RAB38: variants seen among roughly 807,000 people sequenced by gnomAD.
The protein encoded by RAB38 is RAB38, member RAS oncogene family.
RAB38 carries 15 observed loss-of-function variants against 18.4 expected under a neutral mutation model. That is an observed-to-expected ratio of 0.82 (90% CI 0.55 to 1.26). The LOEUF (loss-of-function observed/expected upper bound fraction) is 1.26. Ranked by LOEUF, RAB38 falls within the 50% of genes most tolerant of loss-of-function variation. The probability of loss-of-function intolerance (pLI) is 0.00; values close to 1 mark genes in which losing one functional copy is unlikely to be tolerated. For synonymous variants in RAB38, 101 were observed against 104.4 expected (o/e 0.97, Z 0.20); for missense variants, 294 against 267.4 (o/e 1.10, Z -0.69).
chr11:88,014,589 C>G, the RAB38 span, among the ~76,000 whole-genome samples: 1 of 152,112 alleles, frequency 6.6e-6, no homozygotes, highest in Non-Finnish European at 1.5e-5. Context: ...TGTAACAAGT[C>G]ATATTAATGG....
At chr11:87,961,220 G>A in the RAB38 span, among the ~76,000 whole-genome samples, 38 of 152,140 alleles carry the variant, frequency 2.5e-4, no homozygotes, top group African/African-American at 8.9e-4. Flanking sequence ...CCCAGCCAGA[G>A]TAAAAGCTGA....
chr11:87,867,148 C>T, the RAB38 span, among the ~76,000 whole-genome samples: 1 of 151,840 alleles, frequency 6.6e-6, no homozygotes, highest in South Asian at 2.1e-4. Flanking sequence ...GAAATCCAGG[C>T]CCACTACCAC....
At chr11:88,014,551 A>G in the RAB38 span, among the ~76,000 whole-genome samples, 1 of 152,172 alleles carries the variant, frequency 6.6e-6, no homozygotes, top group Non-Finnish European at 1.5e-5. Flanking sequence ...TCTATCCTCC[A>G]TGATTGTTAC....
At chr11:87,904,226 A>G in the RAB38 span, among the ~76,000 whole-genome samples, 1 of 151,618 alleles carries the variant, frequency 6.6e-6, no homozygotes, top group Non-Finnish European at 1.5e-5. Flanking sequence ...CCCAACAGGT[A>G]GTTTTCAACC....
the RAB38 span, chr11:87,816,984 T>A: frequency 6.6e-6 from 1 of 152,156 alleles, no homozygotes; most frequent in Non-Finnish European, 1.5e-5. Context: ...ATTATTAGGT[T>A]TATTATCATT....
the RAB38 span, among the ~76,000 whole-genome samples, chr11:87,922,572 A>G: frequency 2.1e-5 from 2 of 94,926 alleles, no homozygotes; most frequent in East Asian, 4.8e-4. Context: ...CCTGAAAAAA[A>G]TATATATAAT....
chr11:88,090,595 G>GA, the RAB38 span, among the ~76,000 whole-genome samples: 18 of 151,290 alleles, frequency 1.2e-4, no homozygotes, highest in African/African-American at 2.9e-4. Context: ...GTAACAATGA[G>GA]AAAAAAAAAT....
the RAB38 span, among the ~76,000 whole-genome samples, chr11:87,837,717 A>G: frequency 1.3e-5 from 2 of 152,232 alleles, no homozygotes; most frequent in African/African-American, 4.8e-5. Flanking sequence ...CTAAGGATCA[A>G]GCAAACTAAG....
At chr11:87,928,542 C>T in the RAB38 span, among the ~76,000 whole-genome samples, 2 of 150,964 alleles carry the variant, frequency 1.3e-5, no homozygotes, top group African/African-American at 2.4e-5. Flanking sequence ...GACAAACTGC[C>T]GAGGTTTTTT....
the RAB38 span, among the ~76,000 whole-genome samples, chr11:88,085,047 T>C: frequency 6.6e-6 from 1 of 151,826 alleles, no homozygotes; most frequent in African/African-American, 2.4e-5. Context: ...TTAAAAGGAA[T>C]GGACAGGTGT....
chr11:88,062,808 A>C, the RAB38 span, among the ~76,000 whole-genome samples: 15 of 152,192 alleles, frequency 9.9e-5, no homozygotes, highest in African/African-American at 3.6e-4. Flanking sequence ...TTACAACCCC[A>C]TGCATAATCT....
At chr11:87,839,706 T>C in the RAB38 span, among the ~76,000 whole-genome samples, 1 of 152,194 alleles carries the variant, frequency 6.6e-6, no homozygotes, top group African/African-American at 2.4e-5. Flanking sequence ...TCTCTTAATA[T>C]GGTGTATTGG....
the RAB38 span, among the ~76,000 whole-genome samples, chr11:87,823,297 T>G: frequency 1.1e-4 from 16 of 152,238 alleles, 1 homozygote; most frequent in South Asian, 3.3e-3. Flanking sequence ...TATACCAGGT[T>G]CGTAGATTAA....
At chr11:88,086,017 C>T in the RAB38 span, among the ~76,000 whole-genome samples, 2 of 151,810 alleles carry the variant, frequency 1.3e-5, no homozygotes, top group African/African-American at 4.8e-5. Flanking sequence ...CCGCAGTTTA[C>T]TAACTGTATG....
the RAB38 span, among the ~76,000 whole-genome samples, chr11:88,074,264 A>G: frequency 6.6e-6 from 1 of 152,168 alleles, no homozygotes; most frequent in Non-Finnish European, 1.5e-5. Flanking sequence ...TGTACCTGTG[A>G]TGTGAAATAC....
chr11:87,809,462 C>T, the RAB38 span, among the ~76,000 whole-genome samples: 1 of 152,162 alleles, frequency 6.6e-6, no homozygotes, highest in African/African-American at 2.4e-5. Flanking sequence ...AACACAAGGC[C>T]AAGTCACGGT....
the RAB38 span, among the ~76,000 whole-genome samples, chr11:88,046,966 G>A: frequency 2.0e-5 from 3 of 152,084 alleles, no homozygotes; most frequent in Non-Finnish European, 4.4e-5. Flanking sequence ...CACAAGGACT[G>A]GGACCATGCC....
At chr11:88,044,635 G>T in the RAB38 span, among the ~76,000 whole-genome samples, 13 of 152,092 alleles carry the variant, frequency 8.5e-5, no homozygotes. Flanking sequence ...TGGGCAAACG[G>T]TCTGAGGTGC....
the RAB38 span, among the ~76,000 whole-genome samples, chr11:88,104,318 G>A: frequency 7.7e-6 from 1 of 129,252 alleles, no homozygotes; most frequent in East Asian, 2.3e-4. Flanking sequence ...TTTACTGCAT[G>A]TCTGTCCCTT....
Sources: gnomAD v4.1 joint callset for allele counts (sites outside exome capture counted in the v4.1 genomes callset) on GRCh38, gnomAD v4.1.1 for gene constraint, MANE v1.5 for transcripts, NCBI Gene and HGNC (gene_info 2026-07-23, HGNC 2026-07-21) for gene names.